Variants in OSBPL1A observed in about 807,000 individuals in gnomAD.
OSBPL1A encodes oxysterol binding protein like 1A, also known as oxysterol-binding protein-related protein 1.
In OSBPL1A, 80 loss-of-function variants were observed where a neutral mutation model predicts 137.1. The observed-to-expected ratio is 0.58, with a 90% confidence interval of 0.49 to 0.70. The LOEUF (loss-of-function observed/expected upper bound fraction) is 0.70. Ranked by LOEUF, OSBPL1A falls within the 30% of genes least tolerant of loss-of-function variation. The pLI, the probability that OSBPL1A is intolerant of heterozygous loss-of-function variation, is 0.00. For missense variants in OSBPL1A, 970 were observed against 1,129.4 expected (o/e 0.86, Z 2.02); for synonymous variants, 365 against 389.7 (o/e 0.94, Z 0.75).
chr18:24,232,282 A>T (rs2088306780), intron 16 of OSBPL1A, among the ~76,000 whole-genome samples: 1 of 152,258 alleles, frequency 6.6e-6, no homozygotes, highest in South Asian at 2.1e-4. Flanking sequence ...GGGGCTGCCA[A>T]GAGACTGCTG....
intron 4 of OSBPL1A, among the ~76,000 whole-genome samples, chr18:24,355,807 A>G (rs557483953): frequency 1.3e-5 from 2 of 152,136 alleles, no homozygotes; most frequent in South Asian, 4.1e-4. Context: ...CAACATGGTG[A>G]AACCCTGACT....
chr18:24,339,500 C>G (rs2091238050), intron 5 of OSBPL1A, among the ~76,000 whole-genome samples: 1 of 152,174 alleles, frequency 6.6e-6, no homozygotes, highest in Admixed American at 6.5e-5. Flanking sequence ...GTAAAGTCAA[C>G]TAAGCCCTTT....
chr18:24,305,770 G>C (rs539162705), intron 13 of OSBPL1A, among the ~76,000 whole-genome samples: 82 of 152,202 alleles, frequency 5.4e-4, no homozygotes, highest in African/African-American at 1.9e-3. Flanking sequence ...TGAATCATGG[G>C]GGTGGGCTTT....
At chr18:24,190,051 C>A (rs1238461993) in intron 18 of OSBPL1A, among the ~76,000 whole-genome samples, 3 of 152,190 alleles carry the variant, frequency 2.0e-5, no homozygotes, top group Non-Finnish European at 2.9e-5. Context: ...AATGATATTC[C>A]TTTCCTATTC....
chr18:24,354,748 C>CAAAAA (rs59694707), intron 4 of OSBPL1A, among the ~76,000 whole-genome samples: 195 of 77,036 alleles, frequency 2.5e-3, no homozygotes, highest in Middle Eastern at 9.4e-3. Context: ...CTCAATATAG[C>CAAAAA]AAAAAAAAAA....
intron 18 of OSBPL1A, among the ~76,000 whole-genome samples, chr18:24,184,772 C>T (rs2086699555): frequency 6.6e-6 from 1 of 152,028 alleles, no homozygotes; most frequent in Non-Finnish European, 1.5e-5. Flanking sequence ...GCCCCAGATG[C>T]ACCCTGCATT....
At chr18:24,228,187 AG>A (rs1156312512) in intron 16 of OSBPL1A, among the ~76,000 whole-genome samples, 1 of 152,022 alleles carries the variant, frequency 6.6e-6, no homozygotes, top group East Asian at 1.9e-4. Flanking sequence ...ATGACAGTGC[AG>A]ACCCTGTCCT....
chr18:24,163,454 G>A (rs2086067206), intron 27 of OSBPL1A, among the ~76,000 whole-genome samples, 173 bp from the exon 28 acceptor site: 2 of 152,226 alleles, frequency 1.3e-5, no homozygotes, highest in South Asian at 4.1e-4. Context: ...GAACAGGTCT[G>A]TGGAATAATA....
In OSBPL1A at chr18:24,165,104, C is replaced by T. The variant is rs916672263; in HGVS notation, c.2711G>A (p.Arg904His). 1.8e-5 allele frequency: 29 copies of T among 1,613,962 alleles called. No homozygotes were observed. The highest frequency in any genetic ancestry group is 1.2e-4 in the Admixed American group (7 of 59,998). Residue 904 changes from arginine to histidine, a missense_variant, in exon 27 of 28, where the codon CGC (arginine) becomes CAC (histidine). By Grantham distance (29) the Arg-to-His change is conservative. Transcript: ENST00000319481. ...CTCTTCTGACTTGGACCTGTTTTTG[C>T]GGGCTGCTCTTTGTTTTTCCTCAAG... Reference protein sequence around the residue: ...KRLEEKQRAARKNRSKSEEDW... With the variant: ...KRLEEKQRAAHKNRSKSEEDW...
intron 14 of OSBPL1A, among the ~76,000 whole-genome samples, chr18:24,300,524 A>G (rs2090379304): frequency 6.6e-6 from 1 of 152,248 alleles, no homozygotes. Context: ...TTCTGATTCA[A>G]CTACCCTCAA....
At chr18:24,291,827 T>C (rs1185236304) in intron 14 of OSBPL1A, among the ~76,000 whole-genome samples, 1 of 148,460 alleles carries the variant, frequency 6.7e-6, no homozygotes, top group Non-Finnish European at 1.5e-5. Flanking sequence ...CTGAGGCAGG[T>C]GGATCACCTG....
At chr18:24,221,693 C>T (rs571678280) in intron 17 of OSBPL1A, among the ~76,000 whole-genome samples, 1 of 152,152 alleles carries the variant, frequency 6.6e-6, no homozygotes, top group East Asian at 1.9e-4. Flanking sequence ...TTTACCAAAC[C>T]ATCTATTCTT....
intron 18 of OSBPL1A, among the ~76,000 whole-genome samples, chr18:24,190,531 C>T (rs1362250392): frequency 3.3e-5 from 5 of 152,146 alleles, no homozygotes; most frequent in Non-Finnish European, 7.3e-5. Context: ...GGCTCCTTGA[C>T]GTCCTGTTTC....
intron 5 of OSBPL1A, among the ~76,000 whole-genome samples, chr18:24,339,786 T>C (rs2091242605): frequency 6.6e-6 from 1 of 152,224 alleles, no homozygotes; most frequent in Non-Finnish European, 1.5e-5. Context: ...GAAGATGTTA[T>C]GTGTTAATTT....
chr18:24,392,093 C>T (rs1472666813), intron 1 of OSBPL1A, among the ~76,000 whole-genome samples: 2 of 151,908 alleles, frequency 1.3e-5, no homozygotes, highest in Admixed American at 6.6e-5. Flanking sequence ...TAGGTTCAAG[C>T]GATCTGTCCA....
At chr18:24,363,068 A>C (rs150077593) in intron 4 of OSBPL1A, among the ~76,000 whole-genome samples, 42 of 152,376 alleles carry the variant, frequency 2.8e-4, no homozygotes, top group African/African-American at 8.9e-4. Context: ...AAAGTAGCAA[A>C]TACAGCAGAA....
At chr18:24,295,995 T>C (rs1015341118) in intron 14 of OSBPL1A, among the ~76,000 whole-genome samples, 1 of 152,202 alleles carries the variant, frequency 6.6e-6, no homozygotes, top group African/African-American at 2.4e-5. Flanking sequence ...CAGGTTCTTA[T>C]GGGATTCCAT....
At chr18:24,324,960 C>A (rs547989569) in intron 7 of OSBPL1A, among the ~76,000 whole-genome samples, 1 of 151,900 alleles carries the variant, frequency 6.6e-6, no homozygotes, top group South Asian at 2.1e-4. Context: ...GTAGCGCGCA[C>A]CTGTAATCCC....
intron 12 of OSBPL1A, among the ~76,000 whole-genome samples, chr18:24,313,951 A>G (rs2146115967): frequency 6.6e-6 from 1 of 151,866 alleles, no homozygotes; most frequent in East Asian, 1.9e-4. Flanking sequence ...AAATACAAAA[A>G]AAAATTAGCC....
Sources: allele counts gnomAD v4.1 joint callset (sites outside exome capture counted in the v4.1 genomes callset), GRCh38; gene constraint gnomAD v4.1.1; transcripts MANE v1.5; gene names NCBI Gene and HGNC (gene_info 2026-07-23, HGNC 2026-07-21).